Variants in PARD6G observed in about 807,000 individuals in gnomAD.
PARD6G encodes the protein partitioning defective 6 homolog gamma.
Under a neutral mutation model 10.7 loss-of-function variants are expected in PARD6G, and 7 were observed. The observed-to-expected ratio is 0.66, with a 90% CI of 0.37 to 1.23. PARD6G has a LOEUF of 1.23. PARD6G is among the 50% of genes most tolerant of loss of function. The probability of loss-of-function intolerance (pLI) is 0.02; values close to 1 mark genes in which losing one functional copy is unlikely to be tolerated. For synonymous variants in PARD6G, 287 were observed against 269.4 expected, an observed-to-expected ratio of 1.07 and a Z score of -0.64; for missense variants, 548 against 571.8, an observed-to-expected ratio of 0.96 and a Z score of 0.42.
At position 80,157,361 on chromosome 18, in the gene PARD6G, A is replaced by G. The variant is rs1236944500; in HGVS notation, c.*2410T>C. ...TGGCAGAAGTACAGACCTGTGTAGA[A>G]AAATACACCCAAGCAGCTGTTCTAA... is the stretch of plus-strand genomic sequence containing the variant. On this transcript the variant is annotated 3_prime_UTR_variant, in exon 3 of 3. Coordinates refer to ENST00000353265, the MANE Select transcript of PARD6G (RefSeq NM_032510.4). The G allele has an allele frequency of 6.6e-6, 1 of 152,206 alleles. No homozygotes were observed. Among genetic ancestry groups the G allele is most frequent in the Non-Finnish European group, 1.5e-5 (1 of 68,038 alleles). The allele number at this position is 152,206 out of a possible 1,614,324, so 9.4% of individuals were successfully genotyped here. A position where few individuals can be genotyped will look rare whatever the true frequency, so the allele number is the denominator to read the frequency against.
intron 1 of PARD6G, among the ~76,000 whole-genome samples, chr18:80,245,701 T>A (rs921165461): frequency 6.6e-6 from 1 of 152,146 alleles, no homozygotes; most frequent in Non-Finnish European, 1.5e-5. Flanking sequence ...TCTACTGTAC[T>A]AGATAGTGCA....
rs1217032229 is a variant in PARD6G, at chr18:80,201,805, G to T, written c.295+905C>A. 6.6e-6 allele frequency among the ~76,000 whole-genome samples: 1 copy of T among 152,226 alleles called. No individual in the cohort carries two copies. The highest frequency in any genetic ancestry group is 1.5e-5 in the Non-Finnish European group (1 of 68,036). ...GACGCTGGGGTGAAGGAGGCGGAGGGCCTCGTCTGAGAACTCGCCCAGCCC... is the reference window on the plus strand; with the variant it reads ...GACGCTGGGGTGAAGGAGGCGGAGGTCCTCGTCTGAGAACTCGCCCAGCCC... On this transcript the variant is annotated intron_variant, in intron 2 of 2. Coordinates refer to ENST00000353265, the MANE Select transcript of PARD6G (RefSeq NM_032510.4). This position sits in a 1 kb window ranked among gnomAD's most constrained non-coding sequence, Gnocchi z 5.9.
At chr18:80,214,841 T>C (rs1026739733) in intron 1 of PARD6G, among the ~76,000 whole-genome samples, 1 of 152,036 alleles carries the variant, frequency 6.6e-6, no homozygotes, top group African/African-American at 2.4e-5. Flanking sequence ...TGATGAAAAA[T>C]TAATCTATAT....
rs1967316265 is a variant in PARD6G, at chr18:80,228,226, C to CG, written c.72+19050dup. Among the ~76,000 whole-genome samples the CG allele has an allele frequency of 6.6e-6, 1 of 152,046 alleles. No individual in the cohort carries two copies. On this transcript the variant is annotated intron_variant, in intron 1 of 2. Coordinates refer to ENST00000353265, the MANE Select transcript of PARD6G (RefSeq NM_032510.4). This position sits in a 1 kb window ranked among gnomAD's most constrained non-coding sequence, Gnocchi z 4.6. ...CTGGTGCTCAGGAAGTCACATCCCACGGGGGAGACGGCAGCGAGCAGAGAG... is the reference window on the plus strand; with the variant it reads ...CTGGTGCTCAGGAAGTCACATCCCACGGGGGGAGACGGCAGCGAGCAGAGAG...
At chr18:80,208,160 T>G (rs557796500) in intron 1 of PARD6G, among the ~76,000 whole-genome samples, 34 of 152,274 alleles carry the variant, frequency 2.2e-4, no homozygotes, top group Middle Eastern at 3.4e-3. Context: ...CTGGCTGTAT[T>G]TAGAAGATCA....
intron 2 of PARD6G, among the ~76,000 whole-genome samples, chr18:80,172,379 CTTTT>C (rs796958659): frequency 1.5e-5 from 2 of 134,920 alleles, no homozygotes; most frequent in East Asian, 2.1e-4. Context: ...GGTTGTATGT[CTTTT>C]TTTTTTTTTT....
intron 1 of PARD6G, among the ~76,000 whole-genome samples, chr18:80,243,615 C>T (rs772516350): frequency 3.9e-5 from 6 of 152,204 alleles, no homozygotes; most frequent in East Asian, 3.9e-4. Flanking sequence ...ATAATTAACA[C>T]GACAGACAAT....
intron 2 of PARD6G, among the ~76,000 whole-genome samples, chr18:80,177,151 TCA>T (rs1164693666): frequency 2.2e-4 from 16 of 71,716 alleles, no homozygotes; most frequent in African/African-American, 9.1e-4. Flanking sequence ...ACAGTATAAA[TCA>T]CAGCCTAAAT....
chr18:80,171,165 C>G (rs7242254), intron 2 of PARD6G: 1 of 152,112 alleles, frequency 6.6e-6, no homozygotes, highest in Non-Finnish European at 1.5e-5. Context: ...TTACTATAGT[C>G]AGCATTTGCT....
intron 1 of PARD6G, among the ~76,000 whole-genome samples, chr18:80,220,344 G>A (rs949150128): frequency 1.3e-5 from 2 of 152,124 alleles, no homozygotes; most frequent in Non-Finnish European, 2.9e-5. Context: ...AACTCAAGAT[G>A]AAACTTGGGT....
rs1400875741 is a variant in PARD6G at position 80,159,929 on chromosome 18, G to A, written c.973C>T (p.Arg325Trp). 5 of 1,509,984 alleles carry A rather than the reference G, an allele frequency of 3.3e-6. No individual in the cohort carries two copies. Among genetic ancestry groups the A allele is most frequent in the Middle Eastern group, 1.7e-4 (1 of 5,746 alleles). The allele number at this position is 1,509,984 out of a possible 1,614,324, so 93.5% of individuals were successfully genotyped here. ...TPGAPAGSLS[R>W]VNGAGLAQRL... ...TGCGCCAGGCCCGCGCCATTGACCCGGGAGAGGCTGCCTGCGGGCGCGCCC... is the reference window on the plus strand; with the variant it reads ...TGCGCCAGGCCCGCGCCATTGACCCAGGAGAGGCTGCCTGCGGGCGCGCCC... The change falls in exon 3 of 3, where the codon CGG (arginine) becomes TGG (tryptophan). Residue 325 changes from arginine (R) to tryptophan (W), a missense_variant. Arg to Trp is a moderately radical substitution (Grantham distance 101). Around this residue, in one of 2 missense-constraint regions of PARD6G, gnomAD observed 313 missense variants for 279.9 expected, o/e 1.12. Transcript: ENST00000353265.
chr18:80,160,140 G>C lies in PARD6G; in HGVS notation c.762C>G (p.Asn254Lys). 1 of 1,613,240 alleles carries C rather than the reference G, an allele frequency of 6.2e-7. No individual in the cohort carries two copies. ...IVTVKPANQR[N>K]NVVRGGRALG... ...ACGCGCGGCCGCCGCGCACCACGTT[G>C]TTGCGCTGGTTGGCGGGCTTGACGG... Residue 254 changes from asparagine (N) to lysine (K), a missense_variant, in exon 3 of 3, where the codon AAC becomes AAG. Asn to Lys is a moderately conservative substitution (Grantham distance 94). Coordinates refer to ENST00000353265, the MANE Select transcript of PARD6G (RefSeq NM_032510.4).
chr18:80,185,869 T>G, intron 2 of PARD6G, among the ~76,000 whole-genome samples: 1 of 103,858 alleles, frequency 9.6e-6, no homozygotes, highest in Admixed American at 1.1e-4. Flanking sequence ...CTCTCGCATA[T>G]ACTGTCACAT....
In PARD6G at chr18:80,189,310, G is replaced by A. The variant is rs2052895382; in HGVS notation, c.295+13400C>T. ...TCACAGAAGGCCAACAAAGAGGCCT[G>A]GGGCACGTCAACGTGGTCCTCATCG... On this transcript the variant is annotated intron_variant, in intron 2 of 2. Transcript: ENST00000353265. This position sits in a 1 kb window ranked among gnomAD's most constrained non-coding sequence, Gnocchi z 5.5. 6.6e-6 allele frequency: 1 copy of A among 152,238 alleles called. No individual in the cohort carries two copies. The highest frequency in any genetic ancestry group is 2.4e-5 in the African/African-American group (1 of 41,466). 9.4% of individuals were successfully genotyped at this position (152,238 alleles called of 1,614,324 possible).
At chr18:80,236,488 G>A (rs1967424349) in intron 1 of PARD6G, among the ~76,000 whole-genome samples, 1 of 152,162 alleles carries the variant, frequency 6.6e-6, no homozygotes, top group African/African-American at 2.4e-5. Context: ...CATAGTGTTG[G>A]AAGTTCTGGC....
At chr18:80,241,049 AACCTTCT>A (rs1387687095) in intron 1 of PARD6G, among the ~76,000 whole-genome samples, 18 of 152,326 alleles carry the variant, frequency 1.2e-4, no homozygotes, top group African/African-American at 4.3e-4. Flanking sequence ...ATGCAGCAAG[AACCTTCT>A]ACAGTGATGC....
intron 2 of PARD6G, among the ~76,000 whole-genome samples, chr18:80,176,249 T>G (rs1289262976): frequency 6.6e-6 from 1 of 152,234 alleles, no homozygotes; most frequent in African/African-American, 2.4e-5. Flanking sequence ...TTGATCAGGT[T>G]TAAAGTACAC....
At chr18:80,241,268 AC>A (rs1373172209) in intron 1 of PARD6G, among the ~76,000 whole-genome samples, 5 of 152,108 alleles carry the variant, frequency 3.3e-5, no homozygotes, top group Non-Finnish European at 5.9e-5. Context: ...GCCACGGACA[AC>A]TGGTGGTTCC....
chr18:80,239,736 C>T (rs1167481981), intron 1 of PARD6G, among the ~76,000 whole-genome samples: 1 of 152,270 alleles, frequency 6.6e-6, no homozygotes, highest in African/African-American at 2.4e-5. Flanking sequence ...CCCTCAGCTA[C>T]AGCACTAGTG....
Sources: gnomAD v4.1 joint callset for allele counts (sites outside exome capture counted in the v4.1 genomes callset) on GRCh38, gnomAD v4.1.1 for gene constraint, gnomAD v4.1.1 regional missense constraint, Gnocchi (gnomAD v3.1) non-coding constraint, MANE v1.5 for transcripts, NCBI Gene and HGNC (gene_info 2026-07-23, HGNC 2026-07-21) for gene names.